Variants in RASAL1 observed in about 807,000 individuals in gnomAD.
RASAL1 encodes the protein rasGAP-activating-like protein 1.
In RASAL1, 72 loss-of-function variants were observed where a neutral mutation model predicts 96.6. The observed-to-expected ratio is 0.75, with a 90% CI of 0.62 to 0.91. The LOEUF (loss-of-function observed/expected upper bound fraction) is 0.91. Ranked by LOEUF, RASAL1 falls within the 40% of genes least tolerant of loss-of-function variation. RASAL1 has a pLI of 0.00. For missense variants in RASAL1, 1,016 were observed against 1,072.5 expected, an observed-to-expected ratio of 0.95 and a Z score of 0.74; for synonymous variants, 405 against 430.4, an observed-to-expected ratio of 0.94 and a Z score of 0.73.
At chr12:113,131,673 C>G (rs1267987876) in intron 1 of RASAL1, among the ~76,000 whole-genome samples, 1 of 152,216 alleles carries the variant, frequency 6.6e-6, no homozygotes. Flanking sequence ...ATCCCCCCTT[C>G]ATAATAACAG....
Position 113,115,621 on chromosome 12 carries a change from T to C in RASAL1, c.1003+14A>G. 1 of 1,611,422 alleles carries C rather than the reference T, an allele frequency of 6.2e-7. No homozygotes were observed. The highest frequency in any genetic ancestry group is 1.3e-5 in the African/African-American group (1 of 74,918). On this transcript the variant is annotated intron_variant, in intron 10 of 20. Transcript: ENST00000548055. This position sits in a 1 kb window ranked among gnomAD's most constrained non-coding sequence, Gnocchi z 4.1. Reference sequence around the variant, plus strand: ...TTGAGGGCGGTGATGTCGGGGGTTGTGCGGGCAACTCACTGGTCCGAGCCA... The same window carrying C: ...TTGAGGGCGGTGATGTCGGGGGTTGCGCGGGCAACTCACTGGTCCGAGCCA...
rs773081417 is a variant in RASAL1, at chr12:113,135,350, C to T, written c.65+48G>A. 6.4e-7 allele frequency: 1 copy of T among 1,567,754 alleles called. No homozygotes were observed. The highest frequency in any genetic ancestry group is 1.2e-5 in the South Asian group (1 of 86,292). On this transcript the variant is annotated intron_variant, in intron 1 of 20. Coordinates refer to ENST00000548055, the MANE Select transcript of RASAL1 (RefSeq NM_001301202.2). This position sits in a 1 kb window ranked among gnomAD's most constrained non-coding sequence, Gnocchi z 5.7. ...GCGGAAAGGGCGACGTCGGCCCCAC[C>T]CCAGGCCTTGCGCGCCCCTCACCCA...
chr12:113,100,845 T>A (rs1038979591), intron 19 of RASAL1, among the ~76,000 whole-genome samples, 165 bp from the exon 20 acceptor site: 2 of 152,220 alleles, frequency 1.3e-5, no homozygotes, highest in Admixed American at 1.3e-4. Flanking sequence ...TGCCAGATAC[T>A]ATTCTAAACC....
intron 7 of RASAL1, among the ~76,000 whole-genome samples, chr12:113,118,674 G>T (rs965362102): frequency 6.6e-6 from 1 of 152,178 alleles, no homozygotes; most frequent in Non-Finnish European, 1.5e-5. Context: ...GAGTCAAAGA[G>T]ATCTGAACTC....
chr12:113,121,392 C>G, intron 5 of RASAL1, 117 bp downstream of exon 5: 2 of 1,489,662 alleles, frequency 1.3e-6, no homozygotes, highest in East Asian at 4.6e-5. Flanking sequence ...AACCTGACTG[C>G]CAGCCCAGAA....
intron 4 of RASAL1, 41 bp downstream of exon 4, chr12:113,127,771 G>A (rs758244162): frequency 5.7e-6 from 9 of 1,577,550 alleles, no homozygotes; most frequent in African/African-American, 1.3e-5. Context: ...GCCCACCCTG[G>A]GCATGGCCCC....
intron 4 of RASAL1, among the ~76,000 whole-genome samples, chr12:113,121,915 G>A (rs1435184922): frequency 6.6e-6 from 1 of 152,016 alleles, no homozygotes; most frequent in Non-Finnish European, 1.5e-5. Context: ...TAAAGATGGG[G>A]TTTCATTATG....
At chr12:113,131,617 AC>A (rs1360321579) in intron 1 of RASAL1, among the ~76,000 whole-genome samples, 1 of 151,966 alleles carries the variant, frequency 6.6e-6, no homozygotes, top group Non-Finnish European at 1.5e-5. Context: ...GATGTGCTGC[AC>A]CCCCTTAAGT....
chr12:113,102,051 C>T (rs1250604278), intron 18 of RASAL1, 42 bp from the exon 19 acceptor site: 1 of 1,592,222 alleles, frequency 6.3e-7, no homozygotes. Flanking sequence ...TCCCTCTCCC[C>T]TTCCAGAAGC....
At chr12:113,105,934 A>C in intron 15 of RASAL1, 48 bp from the exon 16 acceptor site, 1 of 1,552,746 alleles carries the variant, frequency 6.4e-7, no homozygotes, top group Non-Finnish European at 8.8e-7. Flanking sequence ...CTCCCTAACC[A>C]GGCTCACCTT....
Position 113,099,799 on chromosome 12 carries a change from G to A in RASAL1, c.*130C>T. The A allele has an allele frequency of 1.5e-6, 2 of 1,329,394 alleles. No homozygotes were observed. The highest frequency in any genetic ancestry group is 4.5e-5 in the Admixed American group (2 of 44,184). 82.3% of individuals were successfully genotyped at this position (1,329,394 alleles called of 1,614,324 possible). ...CTGGACTCAAGGCACACAGGACTAG[G>A]CACGTCTCTGGGAGCCTCCAAACCA... On this transcript the variant is annotated 3_prime_UTR_variant, in exon 21 of 21. Coordinates refer to ENST00000548055, the MANE Select transcript of RASAL1 (RefSeq NM_001301202.2).
In RASAL1 at chr12:113,130,049, G is replaced by T. The variant is rs528011528; in HGVS notation, c.122+836C>A. ...TACAGCTGACCCCTCCCCCAGGCAG[G>T]CTCCCCACCCCCAGCTCTGAGCCCA... On this transcript the variant is annotated intron_variant, in intron 2 of 20. Transcript: ENST00000548055. This position sits in a 1 kb window ranked among gnomAD's most constrained non-coding sequence, Gnocchi z 5.1. Among the ~76,000 whole-genome samples the T allele has an allele frequency of 2.2e-4, 33 of 152,100 alleles. No individual in the cohort carries two copies. The South Asian group carries it at 5.2e-3, about 24-fold the overall frequency.
At chr12:113,132,306 C>T (rs1592969008) in intron 1 of RASAL1, among the ~76,000 whole-genome samples, 1 of 152,118 alleles carries the variant, frequency 6.6e-6, no homozygotes, top group South Asian at 2.1e-4. Flanking sequence ...GTATTGTCTC[C>T]CCACCTCCCT....
rs776470575 is a variant in RASAL1 at position 113,108,170 on chromosome 12, G to A, written c.1427C>T (p.Pro476Leu). ...AAACAGCTTTGGGGTAAGGATGGCA[G>A]GTGCGAAGAATCGCAAGAAGAGAAA... Reference protein sequence around the residue: ...SGFLFLRFFAPAILTPKLFDL... With the variant: ...SGFLFLRFFALAILTPKLFDL... The change falls in exon 14 of 21, where the codon CCT (proline) becomes CTT (leucine). Residue 476 changes from proline (P) to leucine (L), a missense_variant. Coordinates refer to ENST00000548055, the MANE Select transcript of RASAL1 (RefSeq NM_001301202.2). 1.2e-6 allele frequency: 2 copies of A among 1,613,660 alleles called. No homozygotes were observed. Among genetic ancestry groups the A allele is most frequent in the East Asian group, 4.5e-5 (2 of 44,850 alleles).
At chr12:113,102,350 G>C (rs1284939565) in intron 18 of RASAL1, among the ~76,000 whole-genome samples, 4 of 152,182 alleles carry the variant, frequency 2.6e-5, no homozygotes, top group African/African-American at 7.2e-5. Flanking sequence ...CTGAGGTCAG[G>C]AGTTTCAGAC....
chr12:113,131,214 C>G (rs976319006), intron 1 of RASAL1, among the ~76,000 whole-genome samples: 40 of 131,708 alleles, frequency 3.0e-4, no homozygotes, highest in African/African-American at 1.2e-3. Flanking sequence ...GTCCTGGCCT[C>G]GAAAAGCCCA....
intron 13 of RASAL1, among the ~76,000 whole-genome samples, chr12:113,109,626 G>A (rs925546872): frequency 2.6e-4 from 40 of 152,304 alleles, no homozygotes; most frequent in Admixed American, 2.4e-3. Context: ...GAGAGTCTGC[G>A]CCTGTGTTTA....
chr12:113,124,403 A>G (rs967251516), intron 4 of RASAL1, among the ~76,000 whole-genome samples: 3 of 152,072 alleles, frequency 2.0e-5, no homozygotes, highest in African/African-American at 7.2e-5. Context: ...TTTCCGCCAC[A>G]TGCTTGCAGA....
rs1951643750 is a variant in RASAL1, at chr12:113,130,081, C to T, written c.122+804G>A. ...ACCCCCAGCTCTGAGCCCATCTGGACCAGAATAGGAGCATCCTGAATCCTG... is the reference window on the plus strand; with the variant it reads ...ACCCCCAGCTCTGAGCCCATCTGGATCAGAATAGGAGCATCCTGAATCCTG... On this transcript the variant is annotated intron_variant, in intron 2 of 20. Coordinates refer to ENST00000548055, the MANE Select transcript of RASAL1 (RefSeq NM_001301202.2). This position sits in a 1 kb window ranked among gnomAD's most constrained non-coding sequence, Gnocchi z 5.1. Among the ~76,000 whole-genome samples the T allele has an allele frequency of 6.6e-6, 1 of 151,930 alleles. No individual in the cohort carries two copies. Among genetic ancestry groups the T allele is most frequent in the South Asian group, 2.1e-4 (1 of 4,820 alleles).
Sources: gnomAD v4.1 joint callset for allele counts (sites outside exome capture counted in the v4.1 genomes callset) on GRCh38, gnomAD v4.1.1 for gene constraint, Gnocchi (gnomAD v3.1) non-coding constraint, MANE v1.5 for transcripts, NCBI Gene and HGNC (gene_info 2026-07-23, HGNC 2026-07-21) for gene names.